Variants in CELF1 observed in about 807,000 individuals in gnomAD.
CELF1 encodes CUGBP Elav-like family member 1.
In CELF1, 10 loss-of-function variants were observed where a neutral mutation model predicts 61.8. The ratio of observed to expected loss-of-function variants is 0.16; its 90% confidence interval spans 0.10 to 0.27. The LOEUF (loss-of-function observed/expected upper bound fraction) is 0.27. Among genes scored for constraint, CELF1 ranks in the 10% least tolerant of loss-of-function variants. The pLI is 1.00. For synonymous variants in CELF1, 236 were observed against 225.1 expected (o/e 1.05, Z -0.43); for missense variants, 380 against 639.1 (o/e 0.59, Z 4.37).
At chr11:47,552,769 C>G (rs1364753741) in intron 1 of CELF1, among the ~76,000 whole-genome samples, 6 of 152,148 alleles carry the variant, frequency 3.9e-5, no homozygotes, top group African/African-American at 1.4e-4. Context: ...GGCGCGGGGG[C>G]ACGCGCTGGG....
chr11:47,474,087 T>G (rs1451023873), intron 13 of CELF1, among the ~76,000 whole-genome samples: 2 of 152,120 alleles, frequency 1.3e-5, no homozygotes, highest in African/African-American at 2.4e-5. Flanking sequence ...TTAGTAGCGA[T>G]GGGGTTTCAC....
At chr11:47,538,846 A>T (rs1199510882) in intron 1 of CELF1, among the ~76,000 whole-genome samples, 1 of 152,098 alleles carries the variant, frequency 6.6e-6, no homozygotes, top group African/African-American at 2.4e-5. Flanking sequence ...CCTTATTAAC[A>T]TTTCTCAAAG....
chr11:47,558,075 T>C (rs1282614429), upstream of CELF1, among the ~76,000 whole-genome samples: 1 of 151,988 alleles, frequency 6.6e-6, no homozygotes, highest in African/African-American at 2.4e-5. Flanking sequence ...CAGACTGGTC[T>C]TGAACTCCTA....
intron 1 of CELF1, among the ~76,000 whole-genome samples, chr11:47,536,661 A>G (rs1040272819): frequency 5.9e-5 from 9 of 152,172 alleles, no homozygotes; most frequent in African/African-American, 2.2e-4. Context: ...GCTACTCAGA[A>G]GGCTGAGGCA....
At chr11:47,546,394 G>A (rs1422715977) in intron 1 of CELF1, among the ~76,000 whole-genome samples, 1 of 151,876 alleles carries the variant, frequency 6.6e-6, no homozygotes, top group African/African-American at 2.4e-5. Context: ...AGCCTCCTAA[G>A]TAGCTGGGAT....
At chr11:47,564,171 C>CAAAAAAAAAAAAAAAAAAA (rs779009192) in intron 2 of CELF1, among the ~76,000 whole-genome samples, 2 of 62,912 alleles carry the variant, frequency 3.2e-5, no homozygotes, top group Admixed American at 2.0e-4. Context: ...ACTAAAAATA[C>CAAAAAAAAAAAAAAAAAAA]AAAAAAAAAA....
At chr11:47,550,491 T>G (rs755114346) in intron 1 of CELF1, among the ~76,000 whole-genome samples, 1 of 151,984 alleles carries the variant, frequency 6.6e-6, no homozygotes, top group Non-Finnish European at 1.5e-5. Context: ...TCCAGTATGG[T>G]TGACAGAGCA....
chr11:47,539,437 A>G (rs2096719296), intron 1 of CELF1, among the ~76,000 whole-genome samples: 1 of 152,152 alleles, frequency 6.6e-6, no homozygotes, highest in South Asian at 2.1e-4. Flanking sequence ...AGAACACCTG[A>G]GGTCGGGAGT....
At position 47,472,038 on chromosome 11, in the gene CELF1, T is replaced by A. The variant is rs1234152982; in HGVS notation, c.*192A>T. On this transcript the variant is annotated 3_prime_UTR_variant, in exon 15 of 15. Coordinates refer to ENST00000687097, the MANE Select transcript of CELF1 (RefSeq NM_001376376.1). Reference sequence around the variant, plus strand: ...AAACACTGGAAACCAAAGCACAAACTTGTCCTCTGTACGAAGCGAAACTCC... The same window carrying A: ...AAACACTGGAAACCAAAGCACAAACATGTCCTCTGTACGAAGCGAAACTCC... 3.3e-6 allele frequency: 2 copies of A among 602,476 alleles called. No homozygotes were observed. Among genetic ancestry groups the A allele is most frequent in the Non-Finnish European group, 5.8e-6 (2 of 345,948 alleles). 37.3% of individuals were successfully genotyped at this position (602,476 alleles called of 1,614,324 possible). A position where few individuals can be genotyped will look rare whatever the true frequency, so the allele number is the denominator to read the frequency against.
At chr11:47,548,991 T>C (rs2097061773) in intron 1 of CELF1, among the ~76,000 whole-genome samples, 1 of 150,944 alleles carries the variant, frequency 6.6e-6, no homozygotes, top group Admixed American at 6.6e-5. Context: ...AGATAATATA[T>C]AAATGGCCAA....
chr11:47,488,685 A>G, intron 4 of CELF1, 152 bp downstream of exon 4: 1 of 536,640 alleles, frequency 1.9e-6, no homozygotes, highest in Admixed American at 3.3e-5. Context: ...AGACAGACAG[A>G]CAGGAGTATT....
At position 47,467,903 on chromosome 11, in the gene CELF1, A is replaced by G. The variant is rs1287026527; in HGVS notation, c.*4327T>C. On this transcript the variant is annotated 3_prime_UTR_variant, in exon 15 of 15. Coordinates refer to ENST00000687097, the MANE Select transcript of CELF1 (RefSeq NM_001376376.1). ...AATCAACCCTACAACAATTTAAAAC[A>G]GCTTCTTTGAAACCCTTTTAAATCG... 6.6e-6 allele frequency: 1 copy of G among 152,228 alleles called. No homozygotes were observed. The highest frequency in any genetic ancestry group is 6.5e-5 in the Admixed American group (1 of 15,276). 9.4% of individuals were successfully genotyped at this position (152,228 alleles called of 1,614,324 possible). A position where few individuals can be genotyped will look rare whatever the true frequency, so the allele number is the denominator to read the frequency against.
At chr11:47,509,249 C>T (rs957876746) in intron 1 of CELF1, among the ~76,000 whole-genome samples, 3 of 152,172 alleles carry the variant, frequency 2.0e-5, no homozygotes, top group Non-Finnish European at 2.9e-5. Flanking sequence ...CCAAAGGGCA[C>T]ATGCTCTGTG....
At chr11:47,545,871 G>GTC (rs1491168983) in intron 1 of CELF1, among the ~76,000 whole-genome samples, 22 of 23,488 alleles carry the variant, frequency 9.4e-4, no homozygotes, top group African/African-American at 3.0e-3. Flanking sequence ...GTGTGTCTGC[G>GTC]TGTGTGTGTG....
At chr11:47,558,624 T>TATATAATATAATGTGTAATATATTAG (rs2097214639) in intron 2 of CELF1, among the ~76,000 whole-genome samples, 1 of 112,248 alleles carries the variant, frequency 8.9e-6, no homozygotes, top group Non-Finnish European at 1.7e-5. Flanking sequence ...TGCAATATAA[T>TATATAATATAATGTGTAATATATTAG]ATATAATATA....
At chr11:47,477,643 TAG>T in intron 10 of CELF1, 1 of 471,816 alleles carries the variant, frequency 2.1e-6, no homozygotes, top group Non-Finnish European at 3.8e-6. Flanking sequence ...GCTAATCCAA[TAG>T]CATACCATGC....
At chr11:47,520,547 C>T (rs1223389729) in intron 1 of CELF1, among the ~76,000 whole-genome samples, 1 of 152,170 alleles carries the variant, frequency 6.6e-6, no homozygotes, top group East Asian at 1.9e-4. Context: ...GTGGCTCATG[C>T]CTGTAATCCC....
intron 1 of CELF1, among the ~76,000 whole-genome samples, chr11:47,565,101 T>G (rs1236902020): frequency 6.6e-6 from 1 of 152,046 alleles, no homozygotes; most frequent in Non-Finnish European, 1.5e-5. Flanking sequence ...CACTGTCCTC[T>G]TCAGGGCTAC....
At chr11:47,558,503 ATT>A (rs1477000817) in intron 2 of CELF1, among the ~76,000 whole-genome samples, 2 of 122,670 alleles carry the variant, frequency 1.6e-5, no homozygotes, top group African/African-American at 6.7e-5. Context: ...AATATATTAT[ATT>A]ATATAAATAA....
Sources: allele counts gnomAD v4.1 joint callset (sites outside exome capture counted in the v4.1 genomes callset), GRCh38; gene constraint gnomAD v4.1.1; transcripts MANE v1.5; gene names NCBI Gene and HGNC (gene_info 2026-07-23, HGNC 2026-07-21).